The following VDAC1 variants were observed in gnomAD, a reference collection of about 807,000 sequenced individuals.
The protein encoded by VDAC1 is voltage dependent anion channel 1, also known as non-selective voltage-gated ion channel VDAC1.
In VDAC1, 10 loss-of-function variants were observed where a neutral mutation model predicts 34.7. The ratio of observed to expected loss-of-function variants is 0.29; its 90% CI spans 0.18 to 0.49. The LOEUF (loss-of-function observed/expected upper bound fraction) is 0.49, where lower values mean the gene tolerates loss of function less well. VDAC1 is among the 20% of genes least tolerant of loss of function. The probability of loss-of-function intolerance (pLI) is 0.99; values close to 1 mark genes in which losing one functional copy is unlikely to be tolerated. For missense variants in VDAC1, 230 were observed against 347.9 expected, an observed-to-expected ratio of 0.66 and a Z score of 2.69; for synonymous variants, 130 against 136.0, an observed-to-expected ratio of 0.96 and a Z score of 0.30.
chr5:134,064,912 G>A, the VDAC1 span, among the ~76,000 whole-genome samples: 3 of 151,888 alleles, frequency 2.0e-5, no homozygotes, highest in African/African-American at 7.3e-5. Context: ...TAGAGATGGG[G>A]TCTTGCCATA....
At chr5:134,069,409 T>C in the VDAC1 span, among the ~76,000 whole-genome samples, 1 of 152,092 alleles carries the variant, frequency 6.6e-6, no homozygotes, top group Non-Finnish European at 1.5e-5. Context: ...CATATGAAGG[T>C]GGAGCAGGGC....
At chr5:134,101,010 A>G in the VDAC1 span, among the ~76,000 whole-genome samples, 1 of 152,242 alleles carries the variant, frequency 6.6e-6, no homozygotes, top group Non-Finnish European at 1.5e-5. Context: ...TGAGCTACCC[A>G]TACACATGCA....
upstream of VDAC1, among the ~76,000 whole-genome samples, chr5:134,009,246 TC>T (rs368340749): frequency 1.6e-4 from 24 of 147,778 alleles, no homozygotes; most frequent in African/African-American, 5.6e-4. Flanking sequence ...ATTTATCAAT[TC>T]TTTTTTTTTT....
chr5:134,101,315 C>T, the VDAC1 span, among the ~76,000 whole-genome samples: 3 of 152,110 alleles, frequency 2.0e-5, no homozygotes, highest in African/African-American at 4.8e-5. Context: ...ATTGGCCAGG[C>T]GCGGTGGCTC....
the VDAC1 span, among the ~76,000 whole-genome samples, chr5:134,040,102 G>A: frequency 1.3e-5 from 2 of 149,580 alleles, no homozygotes; most frequent in Admixed American, 6.6e-5. Flanking sequence ...TTTGGCACCC[G>A]AGAGAGAGAC....
chr5:134,110,518 CAG>C, the VDAC1 span, among the ~76,000 whole-genome samples: 1 of 152,230 alleles, frequency 6.6e-6, no homozygotes, highest in Non-Finnish European at 1.5e-5. Flanking sequence ...TGAAACTACA[CAG>C]AGTTTCCAGA....
the VDAC1 span, among the ~76,000 whole-genome samples, chr5:134,011,609 A>AATG: frequency 6.6e-6 from 1 of 150,840 alleles, no homozygotes; most frequent in Admixed American, 6.6e-5. Context: ...AAGTGTGCCC[A>AATG]ATGTAATCCC....
the VDAC1 span, among the ~76,000 whole-genome samples, chr5:134,049,338 C>T: frequency 1.3e-5 from 2 of 152,216 alleles, no homozygotes; most frequent in Non-Finnish European, 2.9e-5. Context: ...AAGCAATCGT[C>T]CTACCTCCGC....
intron 5 of VDAC1, among the ~76,000 whole-genome samples, chr5:133,985,312 C>A (rs898732983): frequency 6.6e-6 from 1 of 152,188 alleles, no homozygotes; most frequent in Non-Finnish European, 1.5e-5. Context: ...TACTTCTGTA[C>A]ATTTTGGCAA....
chr5:134,067,770 T>C, the VDAC1 span, among the ~76,000 whole-genome samples: 1 of 152,080 alleles, frequency 6.6e-6, no homozygotes, highest in Admixed American at 6.6e-5. Context: ...CCTAGCTTCA[T>C]GATCAGTTCA....
the VDAC1 span, among the ~76,000 whole-genome samples, chr5:134,051,834 G>A: frequency 3.3e-5 from 5 of 152,000 alleles, no homozygotes; most frequent in Admixed American, 1.3e-4. Flanking sequence ...GAGTATCTGG[G>A]ATTACAGGCA....
At chr5:134,084,635 G>A in the VDAC1 span, among the ~76,000 whole-genome samples, 1 of 152,254 alleles carries the variant, frequency 6.6e-6, no homozygotes, top group Non-Finnish European at 1.5e-5. Flanking sequence ...AACTCTCTGT[G>A]CCTCAGTTTC....
chr5:134,092,671 G>A, the VDAC1 span, among the ~76,000 whole-genome samples: 5 of 142,092 alleles, frequency 3.5e-5, no homozygotes, highest in African/African-American at 1.1e-4. Context: ...GCAAGATTCC[G>A]TCTCAAAAAA....
At chr5:134,017,173 A>G in the VDAC1 span, among the ~76,000 whole-genome samples, 1 of 152,158 alleles carries the variant, frequency 6.6e-6, no homozygotes, top group East Asian at 1.9e-4. Context: ...GTAGCAATTT[A>G]TAAGTATTTC....
chr5:134,007,445 A>G (rs1753774827), upstream of VDAC1, among the ~76,000 whole-genome samples: 1 of 152,100 alleles, frequency 6.6e-6, no homozygotes, highest in South Asian at 2.1e-4. Context: ...AAGAAATAGT[A>G]TTAGTAATTT....
At chr5:134,021,802 G>A in the VDAC1 span, among the ~76,000 whole-genome samples, 5 of 152,140 alleles carry the variant, frequency 3.3e-5, no homozygotes, top group African/African-American at 1.2e-4. Flanking sequence ...AATACTTCTG[G>A]TGTGGGGCTG....
At chr5:133,995,240 G>A (rs562965423) in intron 1 of VDAC1, among the ~76,000 whole-genome samples, 3 of 152,182 alleles carry the variant, frequency 2.0e-5, no homozygotes, top group Non-Finnish European at 2.9e-5. Flanking sequence ...GCTCCGACAC[G>A]GCCAAGCTCT....
the VDAC1 span, among the ~76,000 whole-genome samples, chr5:134,101,447 C>A: frequency 6.6e-6 from 1 of 151,936 alleles, no homozygotes. Context: ...AAAAAATTAG[C>A]CGGGCGTGGT....
At chr5:134,086,911 T>C in the VDAC1 span, among the ~76,000 whole-genome samples, 2 of 152,178 alleles carry the variant, frequency 1.3e-5, no homozygotes, top group African/African-American at 4.8e-5. Flanking sequence ...TGGAGCGTTA[T>C]CTGCACCATC....
Sources: allele counts gnomAD v4.1 joint callset (sites outside exome capture counted in the v4.1 genomes callset), GRCh38; gene constraint gnomAD v4.1.1; transcripts MANE v1.5; gene names NCBI Gene and HGNC (gene_info 2026-07-23, HGNC 2026-07-21).